The following PTPRK variants were observed in gnomAD, a reference collection of about 807,000 sequenced individuals.
PTPRK encodes receptor-type tyrosine-protein phosphatase kappa.
A neutral mutation model predicts 178.0 loss-of-function variants in PTPRK; 75 were observed. That is an observed-to-expected ratio of 0.42 (90% CI 0.35 to 0.51). PTPRK has a LOEUF of 0.51. PTPRK is among the 20% of genes least tolerant of loss of function. The pLI is 0.02. For synonymous variants in PTPRK, 637 were observed against 620.6 expected (o/e 1.03, Z -0.39); for missense variants, 1,441 against 1,797.8 (o/e 0.80, Z 3.59).
chr6:128,251,743 A>G (rs973837292), intron 3 of PTPRK, among the ~76,000 whole-genome samples: 1 of 152,218 alleles, frequency 6.6e-6, no homozygotes, highest in African/African-American at 2.4e-5. Flanking sequence ...TGTAATTAAT[A>G]TTACAGTGAC....
intron 1 of PTPRK, among the ~76,000 whole-genome samples, chr6:128,481,683 T>C (rs1428771922): frequency 2.0e-5 from 3 of 152,092 alleles, no homozygotes; most frequent in African/African-American, 7.2e-5. Flanking sequence ...CTCAGTTGCC[T>C]TGGAGATATT....
intron 1 of PTPRK, among the ~76,000 whole-genome samples, chr6:128,444,956 T>C (rs1846744830): frequency 6.6e-6 from 1 of 152,044 alleles, no homozygotes; most frequent in African/African-American, 2.4e-5. Flanking sequence ...TGTACATATA[T>C]TCCACATTTA....
At chr6:128,129,797 C>T (rs1793932511) in intron 7 of PTPRK, among the ~76,000 whole-genome samples, 1 of 152,068 alleles carries the variant, frequency 6.6e-6, no homozygotes, top group South Asian at 2.1e-4. Flanking sequence ...TAGGCATGTC[C>T]CTACTCCCAT....
chr6:128,214,987 T>G lies in PTPRK; in HGVS notation c.868+3935A>C, dbSNP rs80030300. On this transcript the variant is annotated intron_variant, in intron 6 of 29. Transcript: ENST00000368226. ...ATTCATTAGGAACAGACTAAAATAT[T>G]AACTAAATACTTCTGTGTCCAGAGC... Among the ~76,000 whole-genome samples the G allele has an allele frequency of 7.2e-3, 1,100 of 152,234 alleles. 41 individuals are homozygous for G. Among genetic ancestry groups the G allele is most frequent in the East Asian group, 0.019 (96 of 5,184 alleles).
chr6:128,121,852 T>G (rs971106367), intron 7 of PTPRK, among the ~76,000 whole-genome samples: 1 of 152,098 alleles, frequency 6.6e-6, no homozygotes, highest in African/African-American at 2.4e-5. Context: ...CTTAGCACTA[T>G]ACTCCAAAAA....
chr6:128,450,854 A>T (rs1350528664), intron 1 of PTPRK, among the ~76,000 whole-genome samples: 1 of 152,224 alleles, frequency 6.6e-6, no homozygotes, highest in Non-Finnish European at 1.5e-5. Context: ...TTTCTGTTGC[A>T]TATCAAAATA....
chr6:128,064,898 G>T (rs1437831143), intron 12 of PTPRK, 104 bp from the exon 13 acceptor site: 1 of 1,238,064 alleles, frequency 8.1e-7, no homozygotes. Flanking sequence ...CATAAAAAGG[G>T]ATTATAAACA....
At position 127,970,207 on chromosome 6, in the gene PTPRK, C is replaced by T; in HGVS notation, c.*20G>A. ...ATGGACAGGTTTCTTCATGGATGCA[C>T]TTTAAAGAGTCTCACCCAACTAAGA... On this transcript the variant is annotated 3_prime_UTR_variant, in exon 30 of 30. Coordinates refer to ENST00000368226, the MANE Select transcript of PTPRK (RefSeq NM_002844.4). 6.3e-7 allele frequency: 1 copy of T among 1,592,372 alleles called. No individual in the cohort carries two copies. Among genetic ancestry groups the T allele is most frequent in the South Asian group, 1.1e-5 (1 of 89,700 alleles).
At chr6:128,205,773 A>G (rs889310156) in intron 6 of PTPRK, among the ~76,000 whole-genome samples, 2 of 133,752 alleles carry the variant, frequency 1.5e-5, no homozygotes, top group Admixed American at 7.5e-5. Flanking sequence ...TCTGCATCAC[A>G]GACCAAAAAA....
intron 2 of PTPRK, among the ~76,000 whole-genome samples, chr6:128,380,362 A>T (rs750732503): frequency 6.2e-4 from 95 of 152,222 alleles, no homozygotes; most frequent in Non-Finnish European, 1.0e-3. Flanking sequence ...AGACTTGGAG[A>T]TGAGCAAAGT....
rs763861470 is a variant in PTPRK at position 128,000,246 on chromosome 6, T to C, written c.2495-1342A>G. The C allele has an allele frequency of 5.8e-6, 7 of 1,198,934 alleles. No homozygotes were observed. In the Admixed American group the frequency reaches 2.3e-4, roughly 39 times the overall value. 74.3% of individuals were successfully genotyped at this position (1,198,934 alleles called of 1,614,324 possible). ...CAGATAAACATATTTCAAGTGCTAG[T>C]ACATTTGCCTGTTCTATCACCAACT... On this transcript the variant is annotated intron_variant, in intron 15 of 29. Coordinates refer to ENST00000368226, the MANE Select transcript of PTPRK (RefSeq NM_002844.4).
At chr6:128,434,640 TA>T (rs951506082) in intron 1 of PTPRK, among the ~76,000 whole-genome samples, 1 of 151,914 alleles carries the variant, frequency 6.6e-6, no homozygotes, top group South Asian at 2.1e-4. Flanking sequence ...TATAATTAGT[TA>T]AAAAAAACTA....
chr6:128,279,768 C>G (rs912461423), intron 3 of PTPRK, among the ~76,000 whole-genome samples: 15 of 151,948 alleles, frequency 9.9e-5, no homozygotes, highest in Non-Finnish European at 1.9e-4. Flanking sequence ...ACATGTTTAC[C>G]TCCAAAATTT....
chr6:128,074,608 T>G (rs964975698), intron 11 of PTPRK, among the ~76,000 whole-genome samples: 4 of 152,004 alleles, frequency 2.6e-5, no homozygotes, highest in African/African-American at 9.7e-5. Context: ...TCTCAAAAAG[T>G]TGGTAAGGAG....
At chr6:128,473,301 G>A (rs1341529048) in intron 1 of PTPRK, among the ~76,000 whole-genome samples, 5 of 151,352 alleles carry the variant, frequency 3.3e-5, no homozygotes, top group Admixed American at 2.0e-4. Context: ...TACAAAAGTG[G>A]TTTTGTGTTC....
intron 1 of PTPRK, among the ~76,000 whole-genome samples, chr6:128,516,604 G>A (rs770725888): frequency 1.3e-5 from 2 of 152,132 alleles, no homozygotes; most frequent in Admixed American, 6.5e-5. Context: ...GAGACAACAA[G>A]GAGTCAGATA....
chr6:128,080,689 T>C (rs1784660414), intron 10 of PTPRK, among the ~76,000 whole-genome samples: 1 of 152,078 alleles, frequency 6.6e-6, no homozygotes, highest in South Asian at 2.1e-4. Flanking sequence ...GATTTCACTG[T>C]TATTTAAATT....
intron 1 of PTPRK, among the ~76,000 whole-genome samples, chr6:128,470,514 T>C (rs537865588): frequency 6.6e-6 from 1 of 152,174 alleles, no homozygotes; most frequent in East Asian, 1.9e-4. Flanking sequence ...AGTCTCTGCT[T>C]TACTATAGCA....
intron 1 of PTPRK, among the ~76,000 whole-genome samples, chr6:128,420,746 TGAA>T (rs1206889048): frequency 1.3e-5 from 2 of 152,150 alleles, no homozygotes; most frequent in Non-Finnish European, 2.9e-5. Flanking sequence ...AAACTAAAGC[TGAA>T]GAAGGACATT....
Sources: allele counts gnomAD v4.1 joint callset (sites outside exome capture counted in the v4.1 genomes callset), GRCh38; gene constraint gnomAD v4.1.1; transcripts MANE v1.5; gene names NCBI Gene and HGNC (gene_info 2026-07-23, HGNC 2026-07-21).